AKT3: variants seen among roughly 807,000 people sequenced by gnomAD.
AKT3 encodes the protein AKT serine/threonine kinase 3.
In AKT3, 15 loss-of-function variants were observed where a neutral mutation model predicts 65.3. The observed-to-expected ratio is 0.23, with a 90% CI of 0.15 to 0.35. AKT3 has a LOEUF of 0.35. Ranked by LOEUF, AKT3 falls within the 10% of genes least tolerant of loss-of-function variation. AKT3 has a pLI of 1.00. For missense variants in AKT3, 243 were observed against 576.5 expected (o/e 0.42, Z 5.92); for synonymous variants, 206 against 183.8 (o/e 1.12, Z -0.98).
intron 8 of AKT3, among the ~76,000 whole-genome samples, chr1:243,579,671 C>T (rs975508059): frequency 7.2e-5 from 11 of 152,032 alleles, no homozygotes; most frequent in Non-Finnish European, 1.5e-5. Flanking sequence ...TTAAATAGTG[C>T]CTTCAAGAAA....
intron 12 of AKT3, 46 bp from the exon 13 acceptor site, chr1:243,512,472 G>C (rs1353374977): frequency 1.1e-5 from 13 of 1,203,122 alleles, no homozygotes; most frequent in Non-Finnish European, 1.3e-5. Flanking sequence ...TTTCAATTCA[G>C]GAAAATTCCT....
intron 2 of AKT3, among the ~76,000 whole-genome samples, chr1:243,697,336 T>G (rs1048314002): frequency 6.6e-6 from 1 of 151,970 alleles, no homozygotes; most frequent in African/African-American, 2.4e-5. Flanking sequence ...AACATCCTGC[T>G]GCAGTATGTT....
chr1:243,600,105 A>T (rs1425810439), intron 8 of AKT3, among the ~76,000 whole-genome samples: 2 of 152,132 alleles, frequency 1.3e-5, no homozygotes, highest in Non-Finnish European at 2.9e-5. Context: ...ATAAATTTTT[A>T]AAACTTTCAA....
chr1:243,605,703 C>T (rs565498142), intron 8 of AKT3, among the ~76,000 whole-genome samples: 1 of 152,310 alleles, frequency 6.6e-6, no homozygotes, highest in African/African-American at 2.4e-5. Context: ...ATTTCTTTCA[C>T]AATTCACTTT....
intron 6 of AKT3, among the ~76,000 whole-genome samples, chr1:243,619,038 A>G (rs540316108): frequency 3.9e-5 from 6 of 152,066 alleles, no homozygotes; most frequent in African/African-American, 7.2e-5. Flanking sequence ...ACAACCTACT[A>G]TCTACTTCAC....
At chr1:243,522,067 C>G (rs1410665129) in intron 12 of AKT3, among the ~76,000 whole-genome samples, 1 of 152,098 alleles carries the variant, frequency 6.6e-6, no homozygotes, top group Non-Finnish European at 1.5e-5. Flanking sequence ...ACACTGGGAG[C>G]CTTTTTAAAA....
chr1:243,850,648 G>T (rs1378788416), upstream of AKT3, among the ~76,000 whole-genome samples: 1 of 151,924 alleles, frequency 6.6e-6, no homozygotes, highest in Non-Finnish European at 1.5e-5. Context: ...TGACGTCAGG[G>T]GCTGGCTCTC....
chr1:243,520,442 C>A (rs1296579441), intron 12 of AKT3, among the ~76,000 whole-genome samples: 1 of 152,206 alleles, frequency 6.6e-6, no homozygotes, highest in African/African-American at 2.4e-5. Flanking sequence ...CACATAAATA[C>A]ATTAATTTCC....
chr1:243,695,318 T>A (rs1684993798), intron 3 of AKT3, among the ~76,000 whole-genome samples: 1 of 151,954 alleles, frequency 6.6e-6, no homozygotes, highest in Non-Finnish European at 1.5e-5. Context: ...GTTTTTATGT[T>A]ATAAACAAAA....
At chr1:243,580,907 C>T (rs1574646881) in intron 8 of AKT3, among the ~76,000 whole-genome samples, 2 of 152,284 alleles carry the variant, frequency 1.3e-5, no homozygotes, top group Non-Finnish European at 2.9e-5. Context: ...CTGCTCCATA[C>T]CCAGGAAGAT....
intron 11 of AKT3, among the ~76,000 whole-genome samples, chr1:243,546,152 T>G (rs10803146): frequency 0.15 from 22,416 of 152,150 alleles, 1,727 homozygotes; most frequent in East Asian, 0.25. Context: ...GCGATTCCCC[T>G]GCACATGCCC....
downstream of AKT3, among the ~76,000 whole-genome samples, chr1:243,498,676 C>G (rs536211906): frequency 2.1e-4 from 32 of 152,390 alleles, no homozygotes; most frequent in African/African-American, 7.5e-4. Flanking sequence ...ATATATTTCT[C>G]TTGAATGCGG....
intron 6 of AKT3, among the ~76,000 whole-genome samples, chr1:243,621,394 C>T (rs183691816): frequency 2.6e-5 from 4 of 152,256 alleles, no homozygotes; most frequent in Admixed American, 2.6e-4. Flanking sequence ...CATCTTCCTC[C>T]TCTTCAGTGG....
At chr1:243,630,374 C>G (rs1056382392) in intron 6 of AKT3, among the ~76,000 whole-genome samples, 18 of 152,292 alleles carry the variant, frequency 1.2e-4, no homozygotes, top group Admixed American at 3.3e-4. Flanking sequence ...TCCTCTAAAT[C>G]TGTGGACCTC....
At chr1:243,779,858 C>A (rs1264489339) in intron 2 of AKT3, among the ~76,000 whole-genome samples, 1 of 152,012 alleles carries the variant, frequency 6.6e-6, no homozygotes, top group East Asian at 1.9e-4. Context: ...TAAAAGCCGG[C>A]CTGAAAGTGC....
At chr1:243,648,267 A>C (rs1680999468) in intron 4 of AKT3, among the ~76,000 whole-genome samples, 1 of 150,234 alleles carries the variant, frequency 6.7e-6, no homozygotes, top group Non-Finnish European at 1.5e-5. Context: ...AAAAAAAAAA[A>C]AAAGAAAAGA....
intron 2 of AKT3, among the ~76,000 whole-genome samples, chr1:243,790,907 G>A (rs1043427222): frequency 1.8e-4 from 27 of 152,264 alleles, no homozygotes; most frequent in Admixed American, 1.4e-3. Flanking sequence ...GTAATGGTTC[G>A]TGGTGCCCCA....
At chr1:243,754,350 T>C (rs766746006) in intron 2 of AKT3, among the ~76,000 whole-genome samples, 11 of 152,234 alleles carry the variant, frequency 7.2e-5, no homozygotes, top group African/African-American at 1.4e-4. Flanking sequence ...TGCCTGTATC[T>C]GCATTTGATT....
At chr1:243,788,901 C>T (rs1234717885) in intron 2 of AKT3, 1 of 152,898 alleles carries the variant, frequency 6.5e-6, no homozygotes, top group African/African-American at 2.4e-5. Context: ...ACGTGTCATA[C>T]TATTTATCCA....
Sources: allele counts gnomAD v4.1 joint callset (sites outside exome capture counted in the v4.1 genomes callset), GRCh38; gene constraint gnomAD v4.1.1; transcripts MANE v1.5; gene names NCBI Gene and HGNC (gene_info 2026-07-23, HGNC 2026-07-21).